The following TSPAN32 variants were observed in gnomAD, a reference collection of about 807,000 sequenced individuals.
The protein encoded by TSPAN32 is tetraspanin-32.
A neutral mutation model predicts 42.7 loss-of-function variants in TSPAN32; 47 were observed. That is an observed-to-expected ratio of 1.10 (90% CI 0.87 to 1.40). The LOEUF (loss-of-function observed/expected upper bound fraction) is 1.40. TSPAN32 is among the 40% of genes most tolerant of loss of function. TSPAN32 has a pLI of 0.00. For synonymous variants in TSPAN32, 175 were observed against 175.9 expected, an observed-to-expected ratio of 0.99 and a Z score of 0.04; for missense variants, 469 against 424.1, an observed-to-expected ratio of 1.11 and a Z score of -0.93.
Position 2,316,557 on chromosome 11 carries a change from G to A in TSPAN32, c.628-19G>A, listed in dbSNP as rs111954834. The A allele has an allele frequency of 5.4e-5, 86 of 1,600,912 alleles. No individual in the cohort carries two copies. Among genetic ancestry groups the A allele is most frequent in the African/African-American group, 1.2e-4 (9 of 74,624 alleles). On this transcript the variant is annotated intron_variant, in intron 7 of 9. Coordinates refer to ENST00000182290, the MANE Select transcript of TSPAN32 (RefSeq NM_139022.3). ...CGCACCCTGGGGCAGTGGGGCAGCC[G>A]CGGGTGTCTCCCTCCCAGGTGTCCG...
chr11:2,317,385 G>C lies in TSPAN32; in HGVS notation c.761G>C (p.Cys254Ser). ...RQPQEPSLLR[C>S]SQGGPTHCLH... ...CCCCAGGAGCCCAGCCTCTTGAGAT[G>C]CTCCCAGGGTGGACCCACACATTGT... Residue 254 changes from cysteine (C) to serine (S), a missense_variant, in exon 9 of 10, where the codon TGC becomes TCC. By Grantham distance (112) the Cys-to-Ser change is moderately radical. Coordinates refer to ENST00000182290, the MANE Select transcript of TSPAN32 (RefSeq NM_139022.3). This position sits in a 1 kb window ranked among gnomAD's most constrained non-coding sequence, Gnocchi z 6.2. 6.3e-7 allele frequency: 1 copy of C among 1,598,502 alleles called. No individual in the cohort carries two copies. Among genetic ancestry groups the C allele is most frequent in the African/African-American group, 1.3e-5 (1 of 74,678 alleles).
intron 6 of TSPAN32, 132 bp downstream of exon 6, chr11:2,314,703 G>A: frequency 1.4e-6 from 1 of 696,794 alleles, no homozygotes; most frequent in South Asian, 1.7e-5. Context: ...AACTGCCGCT[G>A]AAGGGCTCAG....
chr11:2,316,336 C>A (rs1256933804), intron 7 of TSPAN32, 24 bp downstream of exon 7: 3 of 1,577,106 alleles, frequency 1.9e-6, no homozygotes, highest in Non-Finnish European at 1.7e-6. Flanking sequence ...TCCCTCACTG[C>A]CCCTTCCCAC....
intron 4 of TSPAN32, chr11:2,309,238 G>C: frequency 2.3e-6 from 1 of 429,324 alleles, no homozygotes; most frequent in African/African-American, 2.0e-5. Flanking sequence ...TGATGGCCTG[G>C]TGGGGCAGAC....
chr11:2,303,260 G>A (rs1279229680), intron 2 of TSPAN32: 1 of 295,200 alleles, frequency 3.4e-6, no homozygotes, highest in South Asian at 3.6e-5. Context: ...GCTCTGTGCA[G>A]TCAGGGCTCA....
Position 2,317,584 on chromosome 11 carries a change from G to C in TSPAN32, c.901+59G>C. On this transcript the variant is annotated intron_variant, in intron 9 of 9. Transcript: ENST00000182290. The surrounding 1 kb of genome is among the most constrained non-coding windows in gnomAD (Gnocchi z 6.2). The stretch of plus-strand genomic sequence containing the variant: ...TCCCTGAGGGGAGGGTCCGAGCTGT[G>C]AGGAGGGAAGGGAGTGAAGGCCCAG... 1.3e-6 allele frequency: 2 copies of C among 1,523,808 alleles called. No homozygotes were observed. The highest frequency in any genetic ancestry group is 1.8e-6 in the Non-Finnish European group (2 of 1,139,350). 94.4% of individuals were successfully genotyped at this position (1,523,808 alleles called of 1,614,324 possible). A position where few individuals can be genotyped will look rare whatever the true frequency, so the allele number is the denominator to read the frequency against.
chr11:2,318,054 G>T lies in TSPAN32; in HGVS notation c.*130G>T. The T allele has an allele frequency of 3.4e-6, 2 of 596,540 alleles. No individual in the cohort carries two copies. Among genetic ancestry groups the T allele is most frequent in the East Asian group, 5.7e-5 (2 of 34,970 alleles). 37.0% of individuals were successfully genotyped at this position (596,540 alleles called of 1,614,324 possible). A position where few individuals can be genotyped will look rare whatever the true frequency, so the allele number is the denominator to read the frequency against. On this transcript the variant is annotated 3_prime_UTR_variant, in exon 10 of 10. Transcript: ENST00000182290. The surrounding 1 kb of genome is among the most constrained non-coding windows in gnomAD (Gnocchi z 4.2). ...CTGAGGTTCCCAAGTCCTTGTCCCT[G>T]GTCCTGTGGTCCCTCCACCTTCAAA...
chr11:2,314,636 C>A, intron 6 of TSPAN32, 65 bp downstream of exon 6: 1 of 1,354,798 alleles, frequency 7.4e-7, no homozygotes, highest in Non-Finnish European at 1.0e-6. Flanking sequence ...TGGGGCCCAA[C>A]CCCAAGACCC....
At chr11:2,310,782 G>A (rs916546740) in intron 4 of TSPAN32, among the ~76,000 whole-genome samples, 7 of 152,214 alleles carry the variant, frequency 4.6e-5, no homozygotes, top group African/African-American at 9.6e-5. Context: ...GCCGTGCCCC[G>A]TTGCCCAGGC....
Position 2,304,350 on chromosome 11 carries a change from A to ATGT in TSPAN32, c.279+146_279+147insTGT. On this transcript the variant is annotated intron_variant, in intron 3 of 9. Coordinates refer to ENST00000182290, the MANE Select transcript of TSPAN32 (RefSeq NM_139022.3). This position sits in a 1 kb window ranked among gnomAD's most constrained non-coding sequence, Gnocchi z 4.8. ...GGGATGCTGGCCAGCCGAGACCCCC[A>ATGT]CGTCAACCCCACACCTGAGTATCTA... The ATGT allele has an allele frequency of 3.3e-6, 2 of 607,258 alleles. No individual in the cohort carries two copies. The allele number at this position is 607,258 out of a possible 1,614,324, so 37.6% of individuals were successfully genotyped here.
At chr11:2,306,032 G>A (rs908945505) in intron 3 of TSPAN32, among the ~76,000 whole-genome samples, 22 of 146,478 alleles carry the variant, frequency 1.5e-4, no homozygotes, top group Non-Finnish European at 2.6e-4. Context: ...GTGTGTGTGC[G>A]TGTGCAGGTG....
In TSPAN32 at chr11:2,317,518, C is replaced by G; in HGVS notation, c.894C>G (p.Ala298=). 6.3e-7 allele frequency: 1 copy of G among 1,580,712 alleles called. No individual in the cohort carries two copies. Among genetic ancestry groups the G allele is most frequent in the Non-Finnish European group, 8.6e-7 (1 of 1,165,508 alleles). ...TGCCCCTCTCCTGCCACCTGGCTGC[C>G]CACAGAGGTGAAGACGCCCCTGCTG... The part of the protein sequence containing the change: ...APLPLSCHLA[A]HRALQGRSRG... Residue 298 remains alanine, a synonymous_variant, in exon 9 of 10, where the codon GCC becomes GCG. Coordinates refer to ENST00000182290, the MANE Select transcript of TSPAN32 (RefSeq NM_139022.3). This position sits in a 1 kb window ranked among gnomAD's most constrained non-coding sequence, Gnocchi z 6.2.
rs76740023 is a variant in TSPAN32 at position 2,304,008 on chromosome 11, A to G, written c.182-99A>G. 1 of 891,300 alleles carries G rather than the reference A, an allele frequency of 1.1e-6. No individual in the cohort carries two copies. Among genetic ancestry groups the G allele is most frequent in the Non-Finnish European group, 1.8e-6 (1 of 559,312 alleles). 55.2% of individuals were successfully genotyped at this position (891,300 alleles called of 1,614,324 possible). A position where few individuals can be genotyped will look rare whatever the true frequency, so the allele number is the denominator to read the frequency against. Reference sequence around the variant, plus strand: ...ATTCAGAGCCCCCCAGGAGTCCCTCACGGCCCCTGACTCCCAAGTTAGATT... The same window carrying G: ...ATTCAGAGCCCCCCAGGAGTCCCTCGCGGCCCCTGACTCCCAAGTTAGATT... On this transcript the variant is annotated intron_variant, in intron 2 of 9. Transcript: ENST00000182290. The surrounding 1 kb of genome is among the most constrained non-coding windows in gnomAD (Gnocchi z 4.8).
In TSPAN32 at chr11:2,304,205, G is replaced by A. The variant is rs1272203799; in HGVS notation, c.279+1G>A. ...GGAGGCCCAGGGCCTCATGGCAGGG[G>A]TGAGTTCATTGTGTTCCCAGATGCC... On this transcript the variant is annotated splice_donor_variant, in intron 3 of 9. Coordinates refer to ENST00000182290, the MANE Select transcript of TSPAN32 (RefSeq NM_139022.3). LOFTEE classifies it high-confidence loss of function. The surrounding 1 kb of genome is among the most constrained non-coding windows in gnomAD (Gnocchi z 4.8). The A allele has an allele frequency of 4.5e-6, 7 of 1,563,230 alleles. No homozygotes were observed. The highest frequency in any genetic ancestry group is 6.1e-6 in the Non-Finnish European group (7 of 1,155,444).
In TSPAN32 at chr11:2,304,180, G is replaced by A. The variant is rs774141716; in HGVS notation, c.255G>A (p.Arg85=). The A allele has an allele frequency of 1.9e-6, 3 of 1,583,142 alleles. No individual in the cohort carries two copies. The highest frequency in any genetic ancestry group is 2.6e-6 in the Non-Finnish European group (3 of 1,165,008). Residue 85 remains arginine (R), a synonymous_variant, in exon 3 of 10, where the codon AGG becomes AGA. Transcript: ENST00000182290. The surrounding 1 kb of genome is among the most constrained non-coding windows in gnomAD (Gnocchi z 4.8). ...GAVLSAAATV[R]EAQGLMAGGF... is the part of the protein sequence containing the mutation. ...TGCTGAGCGCTGCAGCCACCGTGAGGGAGGCCCAGGGCCTCATGGCAGGGG... is the reference window on the plus strand; with the variant it reads ...TGCTGAGCGCTGCAGCCACCGTGAGAGAGGCCCAGGGCCTCATGGCAGGGG...
intron 3 of TSPAN32, among the ~76,000 whole-genome samples, chr11:2,305,387 G>A (rs1273586370): frequency 6.6e-6 from 1 of 150,808 alleles, no homozygotes; most frequent in Non-Finnish European, 1.5e-5. Context: ...CCCCCAGAGG[G>A]TGTGTGGCCT....
rs1419869898 is a variant in TSPAN32, at chr11:2,317,860, C to T, written c.902-3C>T. On this transcript the variant is annotated splice_region_variant and splice_polypyrimidine_tract_variant and intron_variant, in intron 9 of 9. Transcript: ENST00000182290. This position sits in a 1 kb window ranked among gnomAD's most constrained non-coding sequence, Gnocchi z 6.2. ...CAAGCAGTGCCCATTTATGATCTCG[C>T]AGCTCTCCAGGGCAGAAGTCGCGGT... 6.4e-7 allele frequency: 1 copy of T among 1,569,572 alleles called. No individual in the cohort carries two copies. The highest frequency in any genetic ancestry group is 2.2e-5 in the East Asian group (1 of 44,698).
chr11:2,317,723 G>C lies in TSPAN32; in HGVS notation c.902-140G>C. 1 of 1,510,766 alleles carries C rather than the reference G, an allele frequency of 6.6e-7. No homozygotes were observed. Among genetic ancestry groups the C allele is most frequent in the East Asian group, 2.4e-5 (1 of 40,838 alleles). 93.6% of individuals were successfully genotyped at this position (1,510,766 alleles called of 1,614,324 possible). A position where few individuals can be genotyped will look rare whatever the true frequency, so the allele number is the denominator to read the frequency against. On this transcript the variant is annotated intron_variant, in intron 9 of 9. Coordinates refer to ENST00000182290, the MANE Select transcript of TSPAN32 (RefSeq NM_139022.3). This position sits in a 1 kb window ranked among gnomAD's most constrained non-coding sequence, Gnocchi z 6.2. ...AAAGGAAACCACACTGGAGGCAGCA[G>C]CCCAGGGCAGACTGCAAGACACTGG...
Position 2,317,073 on chromosome 11 carries a change from C to T in TSPAN32, c.720-271C>T, listed in dbSNP as rs562140654. ...CCCCACGGAGCCTGGCCCGTCTCTG[C>T]CTGCCATGCCCATTAACCCACCCAC... On this transcript the variant is annotated intron_variant, in intron 8 of 9. Transcript: ENST00000182290. The surrounding 1 kb of genome is among the most constrained non-coding windows in gnomAD (Gnocchi z 6.2). Among the ~76,000 whole-genome samples, 17 of 152,250 alleles carry T rather than the reference C, an allele frequency of 1.1e-4. No homozygotes were observed. The highest frequency in any genetic ancestry group is 3.6e-4 in the African/African-American group (15 of 41,532).
Sources: gnomAD v4.1 joint callset for allele counts (sites outside exome capture counted in the v4.1 genomes callset) on GRCh38, gnomAD v4.1.1 for gene constraint, Gnocchi (gnomAD v3.1) non-coding constraint, MANE v1.5 for transcripts, NCBI Gene and HGNC (gene_info 2026-07-23, HGNC 2026-07-21) for gene names.